Variants in CREB1 observed in about 807,000 individuals in gnomAD.
The protein encoded by CREB1 is cyclic AMP-responsive element-binding protein 1.
CREB1 carries 2 observed loss-of-function variants against 42.0 expected under a neutral mutation model. That is an observed-to-expected ratio of 0.05 (90% CI 0.02 to 0.15). The LOEUF is 0.15. CREB1 is among the 10% of genes least tolerant of loss of function. CREB1 has a pLI of 1.00. For missense variants in CREB1, 199 were observed against 388.9 expected, an observed-to-expected ratio of 0.51 and a Z score of 4.11; for synonymous variants, 123 against 139.9, an observed-to-expected ratio of 0.88 and a Z score of 0.85.
rs1352968103 is a variant in CREB1, at chr2:207,566,630, G to A, written c.262-833G>A. On this transcript the variant is annotated intron_variant, in intron 3 of 7. Coordinates refer to ENST00000353267, the MANE Select transcript of CREB1 (RefSeq NM_004379.5). ...ATGTCTAAAATGGAGGTTAATGACA[G>A]TGGCTCCACTACTTCCTAGCTTTGT... Among the ~76,000 whole-genome samples, 4 of 152,262 alleles carry A rather than the reference G, an allele frequency of 2.6e-5. No individual in the cohort carries two copies. The East Asian group carries it at 7.7e-4, about 29-fold the overall frequency.
intron 3 of CREB1, among the ~76,000 whole-genome samples, chr2:207,566,856 C>A (rs1263708945): frequency 6.6e-6 from 1 of 152,154 alleles, no homozygotes; most frequent in Non-Finnish European, 1.5e-5. Context: ...TTTTTATTCA[C>A]TTATCTTCAT....
intron 1 of CREB1, among the ~76,000 whole-genome samples, chr2:207,551,109 T>C (rs1167866832): frequency 6.6e-6 from 1 of 152,250 alleles, no homozygotes; most frequent in Non-Finnish European, 1.5e-5. Flanking sequence ...GAAAAAGTTC[T>C]TCCAAAACTT....
At chr2:207,585,086 G>A (rs2083583615) in intron 7 of CREB1, among the ~76,000 whole-genome samples, 1 of 151,972 alleles carries the variant, frequency 6.6e-6, no homozygotes, top group South Asian at 2.1e-4. Flanking sequence ...GGTTGGTCCT[G>A]CCCACCAGCA....
At chr2:207,538,626 G>GT (rs2080970102) in intron 1 of CREB1, among the ~76,000 whole-genome samples, 1 of 152,140 alleles carries the variant, frequency 6.6e-6, no homozygotes, top group South Asian at 2.1e-4. Flanking sequence ...TTGATGGTGA[G>GT]TTTTTTCTGA....
At position 207,547,243 on chromosome 2, in the gene CREB1, A is replaced by T. The variant is rs560961949; in HGVS notation, c.-8-8385A>T. On this transcript the variant is annotated intron_variant, in intron 1 of 7. Coordinates refer to ENST00000353267, the MANE Select transcript of CREB1 (RefSeq NM_004379.5). Reference sequence around the variant, plus strand: ...CAGATGTTACTTCATAAACTTATTTAAAAAACACTTGGACATTCATCTCCC... The same window carrying T: ...CAGATGTTACTTCATAAACTTATTTTAAAAACACTTGGACATTCATCTCCC... 5.9e-5 allele frequency among the ~76,000 whole-genome samples: 9 copies of T among 152,380 alleles called. No homozygotes were observed. In the South Asian group the frequency reaches 8.3e-4, roughly 14 times the overall value.
intron 3 of CREB1, 93 bp from the exon 4 acceptor site, chr2:207,567,370 A>G: frequency 6.0e-6 from 5 of 828,018 alleles, no homozygotes; most frequent in Non-Finnish European, 9.4e-6. Context: ...TGAAGCATGT[A>G]TAAAGTTTAT....
In CREB1 at chr2:207,599,827, A is replaced by G. The variant is rs1053685659; in HGVS notation, c.*2769A>G. ...TATGTGGCCACATTACCAGTAATAA[A>G]TGTTTTTCTCTTTATATTGGCCAAA... On this transcript the variant is annotated 3_prime_UTR_variant, in exon 8 of 8. Coordinates refer to ENST00000353267, the MANE Select transcript of CREB1 (RefSeq NM_004379.5). 2 of 195,506 alleles carry G rather than the reference A, an allele frequency of 1.0e-5. No homozygotes were observed. Among genetic ancestry groups the G allele is most frequent in the Non-Finnish European group, 2.1e-5 (2 of 94,078 alleles). 12.1% of individuals were successfully genotyped at this position (195,506 alleles called of 1,614,324 possible). A position where few individuals can be genotyped will look rare whatever the true frequency, so the allele number is the denominator to read the frequency against.
At chr2:207,533,463 A>G (rs2080739488) in intron 1 of CREB1, among the ~76,000 whole-genome samples, 1 of 152,162 alleles carries the variant, frequency 6.6e-6, no homozygotes, top group South Asian at 2.1e-4. Flanking sequence ...TTTAAATTCT[A>G]CTTTTTATAA....
chr2:207,603,358 TG>T lies in CREB1; in HGVS notation c.*6302del. ...GTGCTTTTTCTTACTGTAATCTTTG[TG>T]GTATCAACTGTCATAATGCTCTTTT... is the stretch of plus-strand genomic sequence containing the variant. On this transcript the variant is annotated 3_prime_UTR_variant, in exon 8 of 8. Transcript: ENST00000353267. 1 of 224,620 alleles carries T rather than the reference TG, an allele frequency of 4.5e-6. No homozygotes were observed. Among genetic ancestry groups the T allele is most frequent in the Non-Finnish European group, 8.9e-6 (1 of 112,662 alleles). The allele number at this position is 224,620 out of a possible 1,614,324, so 13.9% of individuals were successfully genotyped here.
At chr2:207,569,656 T>A (rs929047206) in intron 4 of CREB1, among the ~76,000 whole-genome samples, 2 of 152,098 alleles carry the variant, frequency 1.3e-5, no homozygotes, top group Admixed American at 1.3e-4. Context: ...AGATAATACA[T>A]CTTTTTTTTT....
At chr2:207,578,458 AAAG>A (rs550362423) in intron 7 of CREB1, among the ~76,000 whole-genome samples, 99 of 152,316 alleles carry the variant, frequency 6.5e-4, no homozygotes, top group Non-Finnish European at 1.8e-4. Context: ...TGATAAAGTG[AAAG>A]AAGCAGGGCT....
chr2:207,552,188 G>T (rs948298989), intron 1 of CREB1, among the ~76,000 whole-genome samples: 3 of 151,984 alleles, frequency 2.0e-5, no homozygotes, highest in Non-Finnish European at 4.4e-5. Flanking sequence ...GAAATATCGA[G>T]TTGTGGAGGG....
chr2:207,585,555 A>G (rs1263607773), intron 7 of CREB1, among the ~76,000 whole-genome samples: 1 of 151,930 alleles, frequency 6.6e-6, no homozygotes, highest in Admixed American at 6.5e-5. Flanking sequence ...AAGGAACACA[A>G]TAATTTTCCA....
At chr2:207,539,043 TC>T (rs1442636713) in intron 1 of CREB1, among the ~76,000 whole-genome samples, 2 of 40,330 alleles carry the variant, frequency 5.0e-5, no homozygotes, top group South Asian at 2.5e-3. Context: ...TTATTTGTAC[TC>T]TTTTTTTTTT....
chr2:207,568,369 ATATG>A (rs1347122943), intron 4 of CREB1, among the ~76,000 whole-genome samples: 1 of 152,084 alleles, frequency 6.6e-6, no homozygotes, highest in East Asian at 1.9e-4. Context: ...AGTTTATGTT[ATATG>A]TATTTATATT....
chr2:207,544,064 G>T (rs2081206293), intron 1 of CREB1, among the ~76,000 whole-genome samples: 1 of 151,788 alleles, frequency 6.6e-6, no homozygotes, highest in African/African-American at 2.4e-5. Flanking sequence ...GGACTACAGG[G>T]GCCCGCCACC....
At chr2:207,535,827 T>C (rs2080849280) in intron 1 of CREB1, among the ~76,000 whole-genome samples, 1 of 151,854 alleles carries the variant, frequency 6.6e-6, no homozygotes, top group Non-Finnish European at 1.5e-5. Flanking sequence ...TATTTTTATT[T>C]ATTTATTTTT....
chr2:207,530,482 G>C (rs1282974493), intron 1 of CREB1, among the ~76,000 whole-genome samples: 1 of 142,500 alleles, frequency 7.0e-6, no homozygotes, highest in Non-Finnish European at 1.6e-5. Context: ...CCGCGTTCCC[G>C]CCGCCGCCGC....
At position 207,605,094 on chromosome 2, in the gene CREB1, G is replaced by C. The variant is rs981634409; in HGVS notation, c.*8036G>C. On this transcript the variant is annotated 3_prime_UTR_variant, in exon 8 of 8. Transcript: ENST00000353267. Reference sequence around the variant, plus strand: ...TATTTGGGGTATATGCCTGGGAGTGGAGTTGCTGGGTCATGTTGAAATCGC... The same window carrying C: ...TATTTGGGGTATATGCCTGGGAGTGCAGTTGCTGGGTCATGTTGAAATCGC... 6.6e-6 allele frequency among the ~76,000 whole-genome samples: 1 copy of C among 152,150 alleles called. No individual in the cohort carries two copies. The highest frequency in any genetic ancestry group is 1.5e-5 in the Non-Finnish European group (1 of 68,036).
Sources: allele counts gnomAD v4.1 joint callset (sites outside exome capture counted in the v4.1 genomes callset), GRCh38; gene constraint gnomAD v4.1.1; transcripts MANE v1.5; gene names NCBI Gene and HGNC (gene_info 2026-07-23, HGNC 2026-07-21).